Variants in PAFAH2 observed in about 807,000 individuals in gnomAD.
The protein encoded by PAFAH2 is platelet activating factor acetylhydrolase 2.
A neutral mutation model predicts 49.0 loss-of-function variants in PAFAH2; 42 were observed. The ratio of observed to expected loss-of-function variants is 0.86; its 90% CI spans 0.67 to 1.11. The LOEUF (loss-of-function observed/expected upper bound fraction) is 1.11, where lower values mean the gene tolerates loss of function less well. Ranked by LOEUF, PAFAH2 falls within the 50% of genes least tolerant of loss-of-function variation. PAFAH2 has a pLI of 0.00. For missense variants in PAFAH2, 503 were observed against 501.8 expected (o/e 1.00, Z -0.02); for synonymous variants, 184 against 181.3 (o/e 1.01, Z -0.12).
intron 2 of PAFAH2, 150 bp from the exon 3 acceptor site, chr1:25,989,751 T>A: frequency 1.9e-6 from 1 of 540,300 alleles, no homozygotes. Flanking sequence ...AATTTCACAT[T>A]CAGAAATCTG....
At position 25,962,050 on chromosome 1, in the gene PAFAH2, A is replaced by C. The variant is rs770893083; in HGVS notation, c.1118T>G (p.Leu373Arg). ...LKEDYNQWNN[L>R]IEGIGPSLTP... ...GAGCGACGGTCCAATGCCTTCAATAAGGTTGTTCCATTGATTATAGTCTTC... is the reference window on the plus strand; with the variant it reads ...GAGCGACGGTCCAATGCCTTCAATACGGTTGTTCCATTGATTATAGTCTTC... The change falls in exon 11 of 11, where the codon CTT (leucine) becomes CGT (arginine). Residue 373 changes from leucine to arginine, a missense_variant. Leu to Arg is a moderately radical substitution (Grantham distance 102, BLOSUM62 -2). Transcript: ENST00000374282. The C allele has an allele frequency of 6.2e-7, 1 of 1,614,026 alleles. No individual in the cohort carries two copies. The highest frequency in any genetic ancestry group is 8.5e-7 in the Non-Finnish European group (1 of 1,179,972).
At chr1:25,977,914 G>A (rs951393583) in intron 7 of PAFAH2, among the ~76,000 whole-genome samples, 4 of 152,092 alleles carry the variant, frequency 2.6e-5, no homozygotes, top group Admixed American at 6.6e-5. Flanking sequence ...GATATATGTC[G>A]TGATTTTTAT....
intron 1 of PAFAH2, among the ~76,000 whole-genome samples, chr1:25,995,044 T>C (rs777725770): frequency 5.3e-5 from 8 of 152,200 alleles, no homozygotes; most frequent in Non-Finnish European, 1.2e-4. Flanking sequence ...CAGAGTCATT[T>C]CTAATAAAAG....
chr1:25,977,136 C>G (rs1310215275), intron 7 of PAFAH2, among the ~76,000 whole-genome samples: 1 of 149,776 alleles, frequency 6.7e-6, no homozygotes, highest in Non-Finnish European at 1.5e-5. Context: ...CATTCTCCTG[C>G]CTCAGCCTCC....
chr1:25,972,163 A>G (rs968061547), intron 10 of PAFAH2, among the ~76,000 whole-genome samples: 1 of 152,090 alleles, frequency 6.6e-6, no homozygotes. Flanking sequence ...TGGTGCAATC[A>G]TGGCTCACTG....
At chr1:25,995,770 TCTA>T (rs1375472345) in intron 1 of PAFAH2, among the ~76,000 whole-genome samples, 1 of 152,224 alleles carries the variant, frequency 6.6e-6, no homozygotes, top group Non-Finnish European at 1.5e-5. Flanking sequence ...TCTCTTCAGA[TCTA>T]CTCCGGGGGT....
In PAFAH2 at chr1:25,962,079, CAGGT is replaced by C; in HGVS notation, c.1085_1088del (p.Asp362GlyfsTer54). ...TGTTCCATTGATTATAGTCTTCTTT[CAGGT>C]CTGAAAAGGAAAAAAACAGGAACAT... On this transcript the variant is annotated frameshift_variant and splice_region_variant, in exon 11 of 11. Coordinates refer to ENST00000374282, the MANE Select transcript of PAFAH2 (RefSeq NM_000437.4). LOFTEE classifies it high-confidence loss of function. 6.2e-7 allele frequency: 1 copy of C among 1,612,762 alleles called. No homozygotes were observed. The highest frequency in any genetic ancestry group is 8.5e-7 in the Non-Finnish European group (1 of 1,179,262).
rs139529378 is a variant in PAFAH2, at chr1:25,974,681, A to G, written c.759-31T>C. 1.1e-3 allele frequency: 1,831 copies of G among 1,596,862 alleles called. 14 individuals carry two copies. Among genetic ancestry groups the G allele is most frequent in the African/African-American group, 9.9e-3 (734 of 74,412 alleles). On this transcript the variant is annotated intron_variant, in intron 8 of 10. Transcript: ENST00000374282. ...ATAGGACCAGACATTTGGAATTGCC[A>G]TGCGGATCCCAGGCAAGAATAGTTA... is the stretch of plus-strand genomic sequence containing the variant.
chr1:25,979,211 A>G (rs1208453401), intron 7 of PAFAH2, among the ~76,000 whole-genome samples: 2 of 152,214 alleles, frequency 1.3e-5, no homozygotes, highest in Admixed American at 6.5e-5. Flanking sequence ...ATCTTACTCA[A>G]TTTGATAGAT....
intron 6 of PAFAH2, among the ~76,000 whole-genome samples, chr1:25,982,684 T>C (rs1405773777): frequency 1.3e-5 from 2 of 152,224 alleles, no homozygotes; most frequent in African/African-American, 4.8e-5. Context: ...TCAGCCCTGT[T>C]GTTCTGACTC....
intron 1 of PAFAH2, chr1:25,997,717 C>T: frequency 6.5e-6 from 1 of 152,942 alleles, no homozygotes; most frequent in Non-Finnish European, 1.5e-5. Flanking sequence ...GGATGTGAGG[C>T]TGCAGGGTGA....
intron 5 of PAFAH2, 133 bp from the exon 6 acceptor site, chr1:25,984,220 T>A (rs766874070): frequency 1.8e-5 from 19 of 1,042,118 alleles, no homozygotes; most frequent in Non-Finnish European, 2.3e-5. Flanking sequence ...ATCTGGGGCA[T>A]GCATAGGGAA....
Position 25,989,603 on chromosome 1 carries a change from T to G in PAFAH2, c.91-2A>C, listed in dbSNP as rs764479919. 23 of 1,562,288 alleles carry G rather than the reference T, an allele frequency of 1.5e-5. No homozygotes were observed. In the Admixed American group the frequency reaches 4.6e-4, roughly 31 times the overall value. Reference sequence around the variant, plus strand: ...GTAGAAGAGTCGAAAGAAGCTCCCCTGTAGGAAAGAAGAGAGCAGCTGCTC... The same window carrying G: ...GTAGAAGAGTCGAAAGAAGCTCCCCGGTAGGAAAGAAGAGAGCAGCTGCTC... On this transcript the variant is annotated splice_acceptor_variant, in intron 2 of 10. Coordinates refer to ENST00000374282, the MANE Select transcript of PAFAH2 (RefSeq NM_000437.4). LOFTEE classifies it high-confidence loss of function.
chr1:25,973,895 A>G (rs1557517361), intron 9 of PAFAH2, among the ~76,000 whole-genome samples: 2 of 152,206 alleles, frequency 1.3e-5, no homozygotes. Context: ...CACCTCCCAC[A>G]TGTGGAACAT....
chr1:25,970,007 G>A (rs994177662), intron 10 of PAFAH2, among the ~76,000 whole-genome samples: 1 of 152,178 alleles, frequency 6.6e-6, no homozygotes, highest in African/African-American at 2.4e-5. Flanking sequence ...CGATGTGTAA[G>A]ATGAAACGAA....
At chr1:25,975,400 A>C (rs544097727) in intron 8 of PAFAH2, among the ~76,000 whole-genome samples, 6 of 152,148 alleles carry the variant, frequency 3.9e-5, no homozygotes, top group African/African-American at 1.2e-4. Context: ...CAACATAGCA[A>C]GACACCATCT....
In PAFAH2 at chr1:25,982,408, C is replaced by G. The variant is rs1269056909; in HGVS notation, c.622G>C (p.Val208Leu). Reference sequence around the variant, plus strand: ...AAGCCACCAGGCAAGATGTTGAAGACAGTCTGCCCAGCAGTGACCTCTTGC... The same window carrying G: ...AAGCCACCAGGCAAGATGTTGAAGAGAGTCTGCCCAGCAGTGACCTCTTGC... Reference protein sequence around the residue: ...ILQEVTAGQTVFNILPGGLDL... With the variant: ...ILQEVTAGQTLFNILPGGLDL... Residue 208 changes from valine to leucine, a missense_variant, in exon 7 of 11, where the codon GTC becomes CTC. Coordinates refer to ENST00000374282, the MANE Select transcript of PAFAH2 (RefSeq NM_000437.4). 3 of 1,614,034 alleles carry G rather than the reference C, an allele frequency of 1.9e-6. No homozygotes were observed. The highest frequency in any genetic ancestry group is 2.5e-6 in the Non-Finnish European group (3 of 1,180,030).
rs185294753 is a variant in PAFAH2 at position 25,979,393 on chromosome 1, G to A, written c.667-2620C>T. On this transcript the variant is annotated intron_variant, in intron 7 of 10. Coordinates refer to ENST00000374282, the MANE Select transcript of PAFAH2 (RefSeq NM_000437.4). ...TGCAGTGGCACAATCTTGGCTCACTGCAACCTCCACCTCCTAGGCTCAAGG... is the reference window on the plus strand; with the variant it reads ...TGCAGTGGCACAATCTTGGCTCACTACAACCTCCACCTCCTAGGCTCAAGG... 6.7e-5 allele frequency among the ~76,000 whole-genome samples: 10 copies of A among 149,074 alleles called. No homozygotes were observed. In the Admixed American group the frequency reaches 6.8e-4, roughly 10 times the overall value.
intron 4 of PAFAH2, among the ~76,000 whole-genome samples, chr1:25,985,706 T>G (rs2049772269): frequency 6.6e-6 from 1 of 152,222 alleles, no homozygotes; most frequent in African/African-American, 2.4e-5. Flanking sequence ...ACACAGCAGG[T>G]ACTCAATTTA....
Sources: allele counts gnomAD v4.1 joint callset (sites outside exome capture counted in the v4.1 genomes callset), GRCh38; gene constraint gnomAD v4.1.1; transcripts MANE v1.5; gene names NCBI Gene and HGNC (gene_info 2026-07-23, HGNC 2026-07-21).